Variants in MAPK8 observed in about 807,000 individuals in gnomAD.
The protein encoded by MAPK8 is JUN N-terminal kinase.
A neutral mutation model predicts 52.9 loss-of-function variants in MAPK8; 13 were observed. The ratio of observed to expected loss-of-function variants is 0.25; its 90% CI spans 0.16 to 0.39. MAPK8 has a LOEUF of 0.39. Among genes scored for constraint, MAPK8 ranks in the 10% least tolerant of loss-of-function variants. MAPK8 has a pLI of 1.00. For missense variants in MAPK8, 300 were observed against 519.2 expected (o/e 0.58, Z 4.10); for synonymous variants, 191 against 169.8 (o/e 1.12, Z -0.97).
chr10:48,397,078 T>G (rs1228160650), intron 1 of MAPK8, among the ~76,000 whole-genome samples: 1 of 152,110 alleles, frequency 6.6e-6, no homozygotes, highest in African/African-American at 2.4e-5. Flanking sequence ...GGTATAAAAC[T>G]ATTAACCAAA....
intron 10 of MAPK8, chr10:48,430,871 G>A (rs1687203409): frequency 2.9e-6 from 1 of 349,046 alleles, no homozygotes; most frequent in Admixed American, 4.8e-5. Flanking sequence ...GTACAGAATG[G>A]TATGTGGTAT....
At chr10:48,310,566 G>A (rs1053525310) in intron 1 of MAPK8, among the ~76,000 whole-genome samples, 7 of 152,268 alleles carry the variant, frequency 4.6e-5, no homozygotes, top group East Asian at 1.9e-4. Context: ...CATAAAATGA[G>A]TTCATTATCC....
At chr10:48,374,382 A>G (rs1273469081) in intron 1 of MAPK8, among the ~76,000 whole-genome samples, 1 of 152,200 alleles carries the variant, frequency 6.6e-6, no homozygotes, top group African/African-American at 2.4e-5. Context: ...AAGACAAAAA[A>G]TAACTAAGAT....
chr10:48,348,850 G>C (rs1846030024), intron 1 of MAPK8, among the ~76,000 whole-genome samples: 1 of 151,866 alleles, frequency 6.6e-6, no homozygotes, highest in Non-Finnish European at 1.5e-5. Context: ...TTTCTGCTTA[G>C]GATTGTCTTG....
intron 1 of MAPK8, among the ~76,000 whole-genome samples, chr10:48,334,098 A>G (rs187941762): frequency 1.3e-5 from 2 of 152,252 alleles, no homozygotes; most frequent in African/African-American, 4.8e-5. Flanking sequence ...GCTGACTCAT[A>G]GATGTCAGAG....
At chr10:48,415,191 C>T (rs2042997738) in intron 5 of MAPK8, among the ~76,000 whole-genome samples, 1 of 152,082 alleles carries the variant, frequency 6.6e-6, no homozygotes, top group Non-Finnish European at 1.5e-5. Context: ...TCTTCCTGAG[C>T]CCCTACTCAT....
At chr10:48,420,592 T>C (rs2043298468) in intron 6 of MAPK8, among the ~76,000 whole-genome samples, 1 of 152,194 alleles carries the variant, frequency 6.6e-6, no homozygotes, top group African/African-American at 2.4e-5. Flanking sequence ...GAATTTATGC[T>C]CTTTGCTTGC....
intron 3 of MAPK8, among the ~76,000 whole-genome samples, chr10:48,408,309 TA>T (rs572916976): frequency 6.3e-4 from 96 of 152,272 alleles, no homozygotes; most frequent in African/African-American, 2.2e-3. Flanking sequence ...CTGAATACCA[TA>T]ACAACATTAG....
At chr10:48,407,572 A>G (rs914284972) in intron 3 of MAPK8, among the ~76,000 whole-genome samples, 1 of 152,190 alleles carries the variant, frequency 6.6e-6, no homozygotes, top group Non-Finnish European at 1.5e-5. Context: ...AAAATGGGAC[A>G]ACTATCTGTT....
Position 48,373,128 on chromosome 10 carries a change from G to T in MAPK8, c.-49-28484G>T, listed in dbSNP as rs150462405. 2.0e-3 allele frequency among the ~76,000 whole-genome samples: 310 copies of T among 152,158 alleles called. 2 individuals carry two copies. The East Asian group carries it at 0.024, about 12-fold the overall frequency. On this transcript the variant is annotated intron_variant, in intron 1 of 11. Coordinates refer to ENST00000374189, the MANE Select transcript of MAPK8 (RefSeq NM_001323329.2). ...TTTTCAATCGAGAATTTCATATCCA[G>T]CCAAACTAAGCTTAATAAACTAAGG... is the stretch of plus-strand genomic sequence containing the variant.
chr10:48,323,252 T>G (rs1160906862), intron 1 of MAPK8, among the ~76,000 whole-genome samples: 1 of 152,232 alleles, frequency 6.6e-6, no homozygotes, highest in East Asian at 1.9e-4. Context: ...AGGGCATTCA[T>G]GTATCAAAGG....
intron 1 of MAPK8, among the ~76,000 whole-genome samples, chr10:48,397,724 G>A (rs897888807): frequency 6.6e-6 from 1 of 152,070 alleles, no homozygotes; most frequent in East Asian, 1.9e-4. Flanking sequence ...CCAAGTAGCT[G>A]GGACTACAGG....
At chr10:48,307,782 C>T (rs1265174169) in intron 1 of MAPK8, among the ~76,000 whole-genome samples, 1 of 152,176 alleles carries the variant, frequency 6.6e-6, no homozygotes, top group Non-Finnish European at 1.5e-5. Context: ...GCAAGTACCT[C>T]CTTGGCAATT....
Position 48,426,397 on chromosome 10 carries a change from T to G in MAPK8, c.889T>G (p.Leu297Val), listed in dbSNP as rs2043686720. The change falls in exon 9 of 12, where the codon TTG (leucine) becomes GTG (valine). Residue 297 changes from leucine (L) to valine (V), a missense_variant. By Grantham distance (32) the Leu-to-Val change is conservative (BLOSUM62 1). Coordinates refer to ENST00000374189, the MANE Select transcript of MAPK8 (RefSeq NM_001323329.2). ...NKLKASQARD[L>V]LSKMLVIDAS... ...GTTTGCAGCCAGTCAGGCAAGGGAT[T>G]TGTTATCCAAAATGCTGGTAATAGA... 1 of 1,609,366 alleles carries G rather than the reference T, an allele frequency of 6.2e-7. No homozygotes were observed. Among genetic ancestry groups the G allele is most frequent in the Admixed American group, 1.7e-5 (1 of 58,920 alleles).
intron 1 of MAPK8, among the ~76,000 whole-genome samples, chr10:48,372,235 C>G (rs1456643900): frequency 6.6e-6 from 1 of 151,974 alleles, no homozygotes; most frequent in African/African-American, 2.4e-5. Context: ...ACATCAAAGA[C>G]CAAAGGTAGA....
At chr10:48,381,904 A>G (rs559765210) in intron 1 of MAPK8, among the ~76,000 whole-genome samples, 8 of 152,262 alleles carry the variant, frequency 5.3e-5, no homozygotes, top group South Asian at 2.1e-4. Context: ...CTGAGTCGCA[A>G]CTACCCACGT....
intron 1 of MAPK8, among the ~76,000 whole-genome samples, chr10:48,398,622 G>A (rs1278604792): frequency 1.3e-5 from 2 of 152,178 alleles, no homozygotes; most frequent in African/African-American, 4.8e-5. Context: ...ATTCATACCA[G>A]CATCATTTAT....
intron 1 of MAPK8, among the ~76,000 whole-genome samples, chr10:48,375,272 C>G (rs2040586505): frequency 6.6e-6 from 1 of 152,156 alleles, no homozygotes; most frequent in Non-Finnish European, 1.5e-5. Flanking sequence ...GACAAACCCA[C>G]AGCCAATATT....
rs550049554 is a variant in MAPK8 at position 48,359,332 on chromosome 10, G to A, written c.-49-42280G>A. Among the ~76,000 whole-genome samples, 7 of 152,140 alleles carry A rather than the reference G, an allele frequency of 4.6e-5. No homozygotes were observed. The South Asian group carries it at 1.5e-3, about 32-fold the overall frequency. Reference sequence around the variant, plus strand: ...TAATTTATCTCAGTTTTCATTTTTAGTAGTTTTCTGTTTATAATTTGCTGT... The same window carrying A: ...TAATTTATCTCAGTTTTCATTTTTAATAGTTTTCTGTTTATAATTTGCTGT... On this transcript the variant is annotated intron_variant, in intron 1 of 11. Transcript: ENST00000374189.
Sources: allele counts gnomAD v4.1 joint callset (sites outside exome capture counted in the v4.1 genomes callset), GRCh38; gene constraint gnomAD v4.1.1; transcripts MANE v1.5; gene names NCBI Gene and HGNC (gene_info 2026-07-23, HGNC 2026-07-21).